The following SLC39A10 variants were observed in gnomAD, a reference collection of about 807,000 sequenced individuals.
SLC39A10 encodes the protein solute carrier family 39 member 10.
Under a neutral mutation model 65.1 loss-of-function variants are expected in SLC39A10, and 13 were observed. The observed-to-expected ratio is 0.20, with a 90% CI of 0.13 to 0.32. The LOEUF is 0.32. Among genes scored for constraint, SLC39A10 ranks in the 10% least tolerant of loss-of-function variants. The pLI is 1.00. For missense variants in SLC39A10, 831 were observed against 1,018.4 expected, an observed-to-expected ratio of 0.82 and a Z score of 2.50; for synonymous variants, 321 against 342.2, an observed-to-expected ratio of 0.94 and a Z score of 0.68.
At chr2:195,688,012 C>T (rs1690593384) in intron 3 of SLC39A10, among the ~76,000 whole-genome samples, 1 of 152,166 alleles carries the variant, frequency 6.6e-6, no homozygotes. Context: ...TGCATTTTCT[C>T]TCTAGATAAT....
intron 9 of SLC39A10, among the ~76,000 whole-genome samples, chr2:195,729,645 A>G (rs1257662294): frequency 6.6e-6 from 1 of 151,932 alleles, no homozygotes; most frequent in East Asian, 1.9e-4. Flanking sequence ...TCTTTCCCAC[A>G]CCATTTCCCC....
At chr2:195,644,854 T>G (rs1177040842) in intron 2 of SLC39A10, among the ~76,000 whole-genome samples, 1 of 151,402 alleles carries the variant, frequency 6.6e-6, no homozygotes, top group Non-Finnish European at 1.5e-5. Flanking sequence ...ATGTTCAAGT[T>G]TTGCCCAGTT....
At chr2:195,715,172 A>G (rs16842044) in intron 6 of SLC39A10, among the ~76,000 whole-genome samples, 18,892 of 152,220 alleles carry the variant, frequency 0.12, 1,520 homozygotes, top group East Asian at 0.33. Context: ...TAAGTGATGA[A>G]AAAAGCACAT....
At chr2:195,719,616 C>CTTTTTT (rs572735239) in intron 8 of SLC39A10, among the ~76,000 whole-genome samples, 2 of 140,970 alleles carry the variant, frequency 1.4e-5, no homozygotes, top group Admixed American at 7.1e-5. Flanking sequence ...CATTAACTTT[C>CTTTTTT]TTTTTTTTTT....
At chr2:195,724,197 C>A (rs1259976954) in intron 8 of SLC39A10, among the ~76,000 whole-genome samples, 1 of 152,066 alleles carries the variant, frequency 6.6e-6, no homozygotes, top group East Asian at 1.9e-4. Flanking sequence ...ATGTTAACAT[C>A]TGTAGCATTG....
chr2:195,667,275 A>G (rs1689670174), intron 1 of SLC39A10, among the ~76,000 whole-genome samples: 1 of 152,244 alleles, frequency 6.6e-6, no homozygotes, highest in Admixed American at 6.5e-5. Flanking sequence ...CCAGTAGATT[A>G]GATAGCTGGT....
chr2:195,628,403 AT>A (rs2105694327), intron 2 of SLC39A10, among the ~76,000 whole-genome samples: 1 of 152,350 alleles, frequency 6.6e-6, no homozygotes, highest in Non-Finnish European at 1.5e-5. Flanking sequence ...TGATTGTTAA[AT>A]TGCTTTATCA....
chr2:195,677,251 C>G (rs1690125302), intron 1 of SLC39A10, among the ~76,000 whole-genome samples: 1 of 152,176 alleles, frequency 6.6e-6, no homozygotes, highest in Admixed American at 6.5e-5. Flanking sequence ...CTCTATCTCT[C>G]TTTCAAAAAG....
chr2:195,690,021 A>G (rs1008243339), intron 3 of SLC39A10, among the ~76,000 whole-genome samples: 10 of 152,036 alleles, frequency 6.6e-5, no homozygotes, highest in Non-Finnish European at 1.3e-4. Context: ...TACTAAAAAT[A>G]CAAAAATTAG....
chr2:195,737,458 A>T lies in SLC39A10; in HGVS notation c.*2417A>T. 2 of 162,146 alleles carry T rather than the reference A, an allele frequency of 1.2e-5. No individual in the cohort carries two copies. The highest frequency in any genetic ancestry group is 1.6e-4 in the South Asian group (1 of 6,068). 10.0% of individuals were successfully genotyped at this position (162,146 alleles called of 1,614,324 possible). On this transcript the variant is annotated 3_prime_UTR_variant, in exon 10 of 10. Coordinates refer to ENST00000359634, the MANE Select transcript of SLC39A10 (RefSeq NM_020342.3). ...TACTATAGTAACTAGATGCAGTGTG[A>T]ATTTTTTCCATTAACAAACAAACAA... is the stretch of plus-strand genomic sequence containing the variant.
At chr2:195,656,844 G>A (rs1206028140), upstream of SLC39A10, 3 of 152,260 alleles carry the variant, frequency 2.0e-5, no homozygotes, top group African/African-American at 4.8e-5. Context: ...ACGTTCGAAA[G>A]CCAGGAGAAA....
chr2:195,675,648 G>A (rs896261736), intron 1 of SLC39A10, among the ~76,000 whole-genome samples: 7 of 152,138 alleles, frequency 4.6e-5, no homozygotes, highest in African/African-American at 9.7e-5. Flanking sequence ...TAGCCAGGAT[G>A]TACTCGATCT....
At chr2:195,719,785 A>ATT (rs199564422) in intron 8 of SLC39A10, among the ~76,000 whole-genome samples, 5 of 134,422 alleles carry the variant, frequency 3.7e-5, no homozygotes, top group Non-Finnish European at 6.4e-5. Flanking sequence ...CGCCTGGCTA[A>ATT]TTTTTGTTTT....
At chr2:195,618,665 T>C (rs1167345020) in intron 2 of SLC39A10, among the ~76,000 whole-genome samples, 2 of 151,902 alleles carry the variant, frequency 1.3e-5, no homozygotes, top group East Asian at 1.9e-4. Flanking sequence ...GTGTAGAATT[T>C]GGTTTAGAAG....
At chr2:195,621,666 G>C (rs1688350725) in intron 2 of SLC39A10, among the ~76,000 whole-genome samples, 2 of 152,222 alleles carry the variant, frequency 1.3e-5, no homozygotes, top group Non-Finnish European at 2.9e-5. Flanking sequence ...AGCCAGCACT[G>C]TTGGAACAGA....
intron 3 of SLC39A10, among the ~76,000 whole-genome samples, chr2:195,690,023 A>G (rs1347647340): frequency 6.6e-6 from 1 of 151,956 alleles, no homozygotes; most frequent in Non-Finnish European, 1.5e-5. Flanking sequence ...CTAAAAATAC[A>G]AAAATTAGCT....
At chr2:195,681,119 G>A (rs1053217601) in intron 2 of SLC39A10, 69 bp downstream of exon 2, 8 of 1,448,540 alleles carry the variant, frequency 5.5e-6, no homozygotes, top group Non-Finnish European at 6.6e-6. Context: ...TTTAAAAACA[G>A]GATAAGTAAC....
intron 2 of SLC39A10, among the ~76,000 whole-genome samples, chr2:195,682,999 T>C (rs1690388184): frequency 6.6e-6 from 1 of 152,052 alleles, no homozygotes; most frequent in Non-Finnish European, 1.5e-5. Flanking sequence ...AGAGCAGATA[T>C]ATGTGACAAA....
At chr2:195,716,362 C>T (rs998019291) in intron 6 of SLC39A10, among the ~76,000 whole-genome samples, 7 of 152,112 alleles carry the variant, frequency 4.6e-5, no homozygotes, top group African/African-American at 7.2e-5. Context: ...AGTTCCCTCC[C>T]GTTGACCTCA....
Sources: allele counts gnomAD v4.1 joint callset (sites outside exome capture counted in the v4.1 genomes callset), GRCh38; gene constraint gnomAD v4.1.1; transcripts MANE v1.5; gene names NCBI Gene and HGNC (gene_info 2026-07-23, HGNC 2026-07-21).